The following MECOM variants were observed in gnomAD, a reference collection of about 807,000 sequenced individuals.
MECOM encodes the protein MDS1 and EVI1 complex locus.
MECOM carries 13 observed loss-of-function variants against 116.3 expected under a neutral mutation model. The ratio of observed to expected loss-of-function variants is 0.11; its 90% CI spans 0.07 to 0.18. MECOM has a LOEUF of 0.18. Ranked by LOEUF, MECOM falls within the 10% of genes least tolerant of loss-of-function variation. MECOM has a pLI of 1.00. For missense variants in MECOM, 1,299 were observed against 1,509.0 expected (o/e 0.86, Z 2.31); for synonymous variants, 528 against 535.2 (o/e 0.99, Z 0.19).
intron 16 of MECOM, among the ~76,000 whole-genome samples, chr3:169,086,101 A>G (rs1264654201): frequency 6.6e-6 from 1 of 152,144 alleles, no homozygotes; most frequent in African/African-American, 2.4e-5. Flanking sequence ...CATTGCATTT[A>G]GTTAGAAAAT....
intron 1 of MECOM, among the ~76,000 whole-genome samples, chr3:169,579,938 T>A (rs561093847): frequency 6.6e-6 from 1 of 152,292 alleles, no homozygotes; most frequent in South Asian, 2.1e-4. Flanking sequence ...AGGAGAGGAT[T>A]TTCGTAGGAG....
At chr3:169,590,874 G>A (rs1251740294) in intron 1 of MECOM, among the ~76,000 whole-genome samples, 2 of 152,176 alleles carry the variant, frequency 1.3e-5, no homozygotes, top group Admixed American at 6.5e-5. Flanking sequence ...CTGTACTAAA[G>A]ACAGCAAAAT....
At chr3:169,105,157 A>G (rs1054036687) in intron 10 of MECOM, among the ~76,000 whole-genome samples, 1 of 152,158 alleles carries the variant, frequency 6.6e-6, no homozygotes. Flanking sequence ...GCCTTCGTTG[A>G]ATCCTTCTTT....
chr3:169,660,657 T>C lies in MECOM; in HGVS notation c.37+2679A>G, dbSNP rs547575938. Among the ~76,000 whole-genome samples, 5 of 152,286 alleles carry C rather than the reference T, an allele frequency of 3.3e-5. No individual in the cohort carries two copies. In the South Asian group the frequency reaches 1.0e-3, roughly 32 times the overall value. On this transcript the variant is annotated intron_variant, in intron 1 of 16. Transcript: ENST00000651503. ...AGTTTTGTTTTTTAAAGTATTGTAGTCACAACTCCCCTTCTAAACCCAGAA... is the reference window on the plus strand; with the variant it reads ...AGTTTTGTTTTTTAAAGTATTGTAGCCACAACTCCCCTTCTAAACCCAGAA...
At chr3:169,645,861 C>T (rs1421816312) in intron 1 of MECOM, among the ~76,000 whole-genome samples, 1 of 152,190 alleles carries the variant, frequency 6.6e-6, no homozygotes, top group Non-Finnish European at 1.5e-5. Flanking sequence ...ATGTCTGGGA[C>T]TCACATTGCT....
At position 169,305,220 on chromosome 3, in the gene MECOM, A is replaced by G. The variant is rs148977883; in HGVS notation, c.375+75967T>C. On this transcript the variant is annotated intron_variant, in intron 2 of 16. Coordinates refer to ENST00000651503, the MANE Select transcript of MECOM (RefSeq NM_004991.4). ...CTGAGAAGGAGCTACTTAATTCATA[A>G]TATAATCATATTCAGTGAAGTTAAT... is the stretch of plus-strand genomic sequence containing the variant. Among the ~76,000 whole-genome samples, 504 of 152,220 alleles carry G rather than the reference A, an allele frequency of 3.3e-3. 2 individuals are homozygous for G. Among genetic ancestry groups the G allele is most frequent in the African/African-American group, 0.012 (486 of 41,576 alleles).
chr3:169,636,210 T>C (rs989390522), intron 1 of MECOM, among the ~76,000 whole-genome samples: 3 of 152,202 alleles, frequency 2.0e-5, no homozygotes, highest in African/African-American at 7.2e-5. Context: ...ACCAGATGTC[T>C]AACTCACCCT....
intron 2 of MECOM, among the ~76,000 whole-genome samples, chr3:169,207,536 T>C (rs2149464741): frequency 6.6e-6 from 1 of 152,328 alleles, no homozygotes; most frequent in South Asian, 2.1e-4. Flanking sequence ...ATCCTGGTGG[T>C]ACAGGTTTAA....
intron 1 of MECOM, among the ~76,000 whole-genome samples, chr3:169,642,595 C>A (rs1281664852): frequency 1.3e-5 from 2 of 151,794 alleles, no homozygotes; most frequent in East Asian, 3.9e-4. Context: ...GAGCAAAAAT[C>A]TGACTGCTCG....
chr3:169,109,590 G>A (rs550371417), intron 9 of MECOM, among the ~76,000 whole-genome samples: 2 of 151,966 alleles, frequency 1.3e-5, no homozygotes, highest in Admixed American at 6.6e-5. Flanking sequence ...AAATTTTTTT[G>A]TATTTAGTAG....
intron 2 of MECOM, among the ~76,000 whole-genome samples, chr3:169,227,649 A>C (rs1752898983): frequency 6.6e-6 from 1 of 152,218 alleles, no homozygotes; most frequent in African/African-American, 2.4e-5. Flanking sequence ...GCTGGACACA[A>C]ACTTTTGCCC....
intron 1 of MECOM, among the ~76,000 whole-genome samples, chr3:169,456,531 A>G (rs1456738661): frequency 6.6e-6 from 1 of 152,192 alleles, no homozygotes; most frequent in Non-Finnish European, 1.5e-5. Flanking sequence ...TTGCCATGAG[A>G]AAAGAAAATA....
At chr3:169,630,580 G>A (rs918316640) in intron 1 of MECOM, among the ~76,000 whole-genome samples, 4 of 151,926 alleles carry the variant, frequency 2.6e-5, no homozygotes, top group African/African-American at 9.7e-5. Context: ...AACCTCCTGA[G>A]CAGCTAAGAC....
chr3:169,503,709 C>CA (rs1276121265), intron 1 of MECOM, among the ~76,000 whole-genome samples: 4 of 151,620 alleles, frequency 2.6e-5, no homozygotes, highest in Admixed American at 6.6e-5. Context: ...ATAGTGAAAG[C>CA]AAAAAAAGCT....
chr3:169,495,981 C>T (rs1425348061), intron 1 of MECOM, among the ~76,000 whole-genome samples: 1 of 152,166 alleles, frequency 6.6e-6, no homozygotes, highest in Non-Finnish European at 1.5e-5. Context: ...AGCATAACGA[C>T]CCTACCAGTA....
chr3:169,261,745 A>AGGAGAAGGAGAAGGAGAAAAG lies in MECOM; in HGVS notation c.376-117914_376-117913insCTTTTCTCCTTCTCCTTCTCC, dbSNP rs1553783512. On this transcript the variant is annotated intron_variant, in intron 2 of 16. Transcript: ENST00000651503. The stretch of plus-strand genomic sequence containing the variant: ...AAGGAGAAGGAGAAGGAGAAGGAGA[A>AGGAGAAGGAGAAGGAGAAAAG]AAGAAGAAGAAGAAGAGGAAGAAGA... 3.8e-4 allele frequency among the ~76,000 whole-genome samples: 57 copies of AGGAGAAGGAGAAGGAGAAAAG among 150,348 alleles called. No homozygotes were observed. The East Asian group carries it at 3.9e-3, about 10-fold the overall frequency.
intron 2 of MECOM, among the ~76,000 whole-genome samples, chr3:169,330,704 T>A (rs975857704): frequency 6.6e-6 from 1 of 152,024 alleles, no homozygotes; most frequent in Non-Finnish European, 1.5e-5. Context: ...TTTTTCCTCT[T>A]GATTTTGACC....
At chr3:169,663,189 C>A in intron 1 of MECOM, 147 bp downstream of exon 1, 2 of 865,650 alleles carry the variant, frequency 2.3e-6, no homozygotes, top group South Asian at 1.6e-5. Context: ...CTGGAACCGG[C>A]AGGTTGCTGG....
At chr3:169,379,265 C>G (rs1292258041) in intron 2 of MECOM, among the ~76,000 whole-genome samples, 2 of 151,498 alleles carry the variant, frequency 1.3e-5, no homozygotes, top group Non-Finnish European at 2.9e-5. Flanking sequence ...TTTATAATAC[C>G]TAAAGAGCAG....
Sources: gnomAD v4.1 joint callset for allele counts (sites outside exome capture counted in the v4.1 genomes callset) on GRCh38, gnomAD v4.1.1 for gene constraint, MANE v1.5 for transcripts, NCBI Gene and HGNC (gene_info 2026-07-23, HGNC 2026-07-21) for gene names.